The following CRYBG1 variants were observed in gnomAD, a reference collection of about 807,000 sequenced individuals.
The protein encoded by CRYBG1 is crystallin beta-gamma domain containing 1.
In CRYBG1, 139 loss-of-function variants were observed where a neutral mutation model predicts 189.2. The observed-to-expected ratio is 0.73, with a 90% CI of 0.64 to 0.85. The LOEUF is 0.85. CRYBG1 is among the 40% of genes least tolerant of loss of function. CRYBG1 has a pLI of 0.00. For missense variants in CRYBG1, 2,611 were observed against 2,675.8 expected (o/e 0.98, Z 0.53); for synonymous variants, 1,023 against 1,017.1 (o/e 1.01, Z -0.11).
chr6:106,415,926 C>T (rs1439478185), intron 1 of CRYBG1, among the ~76,000 whole-genome samples: 6 of 152,048 alleles, frequency 3.9e-5, no homozygotes, highest in Admixed American at 3.3e-4. Flanking sequence ...CTGGCAGTCC[C>T]CCCCATTCCT....
rs952989003 is a variant in CRYBG1, at chr6:106,527,383, C to T, written c.4491C>T (p.Leu1497=). 1 of 1,613,820 alleles carries T rather than the reference C, an allele frequency of 6.2e-7. No individual in the cohort carries two copies. The highest frequency in any genetic ancestry group is 1.7e-5 in the Admixed American group (1 of 60,000). The change falls in exon 7 of 22, where the codon CTC becomes CTT. Residue 1497 remains leucine, a synonymous_variant. Transcript: ENST00000633556. ...LEEGELELSG[L]WGIEDILERH... ...AAGGAGAATTGGAACTCTCTGGTCT[C>T]TGGGGTATAGAAGACATTTTGGAAA...
rs1443965361 is a variant in CRYBG1 at position 106,391,948 on chromosome 6, TGTGTGTGTGTGTGTGTGTGTGTGC to T, written c.173+30871_173+30894del. ...TAAAACGTGTGTGTGTGTGTGTGTG[TGTGTGTGTGTGTGTGTGTGTGTGC>T]GTGCGCGTTTCCTGAAAAGGGGCAG... On this transcript the variant is annotated intron_variant, in intron 1 of 21. Coordinates refer to ENST00000633556, the MANE Select transcript of CRYBG1 (RefSeq NM_001371242.2). Among the ~76,000 whole-genome samples, 675 of 124,902 alleles carry T rather than the reference TGTGTGTGTGTGTGTGTGTGTGTGC, an allele frequency of 5.4e-3. 6 individuals are homozygous for T. Among genetic ancestry groups the T allele is most frequent in the African/African-American group, 0.022 (643 of 28,906 alleles). 81.9% of individuals were successfully genotyped at this position (124,902 alleles called of 152,430 possible). A position where few individuals can be genotyped will look rare whatever the true frequency, so the allele number is the denominator to read the frequency against.
chr6:106,396,293 C>T (rs981737825), intron 1 of CRYBG1, among the ~76,000 whole-genome samples: 7 of 152,166 alleles, frequency 4.6e-5, no homozygotes, highest in African/African-American at 1.7e-4. Context: ...CTCCCAGCAT[C>T]CTTTCCAAAT....
intron 1 of CRYBG1, among the ~76,000 whole-genome samples, chr6:106,423,800 G>C (rs1466476584): frequency 6.9e-6 from 1 of 145,802 alleles, no homozygotes; most frequent in African/African-American, 2.5e-5. Context: ...CAGTCTCCGG[G>C]GTTCAAGTGA....
chr6:106,499,235 T>G (rs1772933157), intron 2 of CRYBG1, among the ~76,000 whole-genome samples: 1 of 147,498 alleles, frequency 6.8e-6, no homozygotes, highest in Admixed American at 6.8e-5. Flanking sequence ...TCACCGCAAC[T>G]TCCGCCTCCC....
At chr6:106,391,498 A>G (rs1452394027) in intron 1 of CRYBG1, among the ~76,000 whole-genome samples, 1 of 151,712 alleles carries the variant, frequency 6.6e-6, no homozygotes, top group Non-Finnish European at 1.5e-5. Context: ...TCACAAATCT[A>G]TTGGCCATTT....
chr6:106,371,556 C>T (rs1770032890), intron 1 of CRYBG1, among the ~76,000 whole-genome samples: 1 of 152,216 alleles, frequency 6.6e-6, no homozygotes, highest in South Asian at 2.1e-4. Context: ...GATTACCGAA[C>T]TATTCTCTTT....
intron 1 of CRYBG1, among the ~76,000 whole-genome samples, chr6:106,395,774 G>A (rs1210708970): frequency 1.3e-5 from 2 of 151,798 alleles, no homozygotes; most frequent in Admixed American, 1.3e-4. Context: ...ACATTACAAA[G>A]ATACTATATA....
intron 2 of CRYBG1, among the ~76,000 whole-genome samples, chr6:106,459,545 G>GTTT (rs35095662): frequency 6.8e-4 from 95 of 138,942 alleles, no homozygotes; most frequent in Non-Finnish European, 9.1e-4. Context: ...CCATTTGTGG[G>GTTT]TTTTTTTTTT....
intron 2 of CRYBG1, among the ~76,000 whole-genome samples, chr6:106,510,920 T>G (rs754841399): frequency 6.6e-5 from 10 of 152,244 alleles, no homozygotes; most frequent in Non-Finnish European, 1.5e-4. Flanking sequence ...CCCAGGTGGC[T>G]TCTTACTGTT....
chr6:106,448,095 G>C (rs927204384), intron 1 of CRYBG1, among the ~76,000 whole-genome samples: 20 of 152,154 alleles, frequency 1.3e-4, no homozygotes, highest in Non-Finnish European at 2.5e-4. Context: ...CCGGGGCTGG[G>C]CAAGAAGCTG....
intron 1 of CRYBG1, among the ~76,000 whole-genome samples, chr6:106,361,969 C>CTTTT (rs200251504): frequency 2.7e-5 from 3 of 112,354 alleles, no homozygotes; most frequent in Admixed American, 9.7e-5. Flanking sequence ...TTCTTTCTTT[C>CTTTT]TTTTTTTTTT....
chr6:106,455,653 G>A (rs975050579), intron 2 of CRYBG1, among the ~76,000 whole-genome samples: 1 of 152,092 alleles, frequency 6.6e-6, no homozygotes, highest in Non-Finnish European at 1.5e-5. Flanking sequence ...GAAATTATAT[G>A]TGACTATAGT....
rs1006612628 is a variant in CRYBG1, at chr6:106,399,004, A to C, written c.173+37923A>C. Among the ~76,000 whole-genome samples the C allele has an allele frequency of 5.6e-4, 86 of 152,340 alleles. 1 individual carries two copies. Among genetic ancestry groups the C allele is most frequent in the African/African-American group, 2.1e-3 (86 of 41,568 alleles). ...ATATGCCTTAAGTGCTTTTTAACCA[A>C]CATGCTATTAAGAACTACAGTTTAC... is the stretch of plus-strand genomic sequence containing the variant. On this transcript the variant is annotated intron_variant, in intron 1 of 21. Transcript: ENST00000633556.
chr6:106,475,944 C>A (rs1018263274), intron 2 of CRYBG1, among the ~76,000 whole-genome samples: 26 of 152,178 alleles, frequency 1.7e-4, no homozygotes, highest in Admixed American at 1.7e-3. Context: ...ACAATTTCCA[C>A]TGTGAACAAA....
At chr6:106,387,740 T>C (rs2114330840) in intron 1 of CRYBG1, among the ~76,000 whole-genome samples, 1 of 152,260 alleles carries the variant, frequency 6.6e-6, no homozygotes, top group African/African-American at 2.4e-5. Flanking sequence ...CTATGCTTGG[T>C]ATAGTGCAAG....
intron 1 of CRYBG1, among the ~76,000 whole-genome samples, chr6:106,388,751 G>T (rs1770438343): frequency 6.6e-6 from 1 of 152,080 alleles, no homozygotes; most frequent in Non-Finnish European, 1.5e-5. Context: ...TATGTACTTT[G>T]CTGATGATTA....
intron 2 of CRYBG1, among the ~76,000 whole-genome samples, chr6:106,505,509 G>A (rs1245951820): frequency 3.3e-5 from 5 of 152,108 alleles, no homozygotes; most frequent in African/African-American, 9.7e-5. Flanking sequence ...GATTACAGGC[G>A]TGAACCACCA....
At chr6:106,523,821 T>A (rs1334457701) in intron 4 of CRYBG1, among the ~76,000 whole-genome samples, 1 of 151,734 alleles carries the variant, frequency 6.6e-6, no homozygotes, top group Non-Finnish European at 1.5e-5. Flanking sequence ...CCTCTCTGCC[T>A]TCCAGGTTCA....
Sources: allele counts gnomAD v4.1 joint callset (sites outside exome capture counted in the v4.1 genomes callset), GRCh38; gene constraint gnomAD v4.1.1; transcripts MANE v1.5; gene names NCBI Gene and HGNC (gene_info 2026-07-23, HGNC 2026-07-21).